The following MYLK variants were observed in gnomAD, a reference collection of about 807,000 sequenced individuals.
The protein encoded by MYLK is myosin light chain kinase, smooth muscle.
In MYLK, 106 loss-of-function variants were observed where a neutral mutation model predicts 203.4. The observed-to-expected ratio is 0.52, with a 90% CI of 0.45 to 0.61. The LOEUF (loss-of-function observed/expected upper bound fraction) is 0.61. Among genes scored for constraint, MYLK ranks in the 20% least tolerant of loss-of-function variants. The pLI is 0.00. For synonymous variants in MYLK, 867 were observed against 959.5 expected, an observed-to-expected ratio of 0.90 and a Z score of 1.78; for missense variants, 2,072 against 2,442.3, an observed-to-expected ratio of 0.85 and a Z score of 3.20.
intron 1 of MYLK, among the ~76,000 whole-genome samples, chr3:123,877,165 G>C (rs1373270513): frequency 6.6e-6 from 1 of 152,200 alleles, no homozygotes. Flanking sequence ...AGAGACACAG[G>C]AAAGTATCAA....
Position 123,638,666 on chromosome 3 carries a change from C to G in MYLK, c.4838-472G>C, listed in dbSNP as rs954678677. ...CCAGGGAAGTGCAGTGATTTCCCCA[C>G]CCGGTTAACAAGTGGTGGTCGGGAC... On this transcript the variant is annotated intron_variant, in intron 28 of 33. Transcript: ENST00000360304. 6 of 756,498 alleles carry G rather than the reference C, an allele frequency of 7.9e-6. No homozygotes were observed. The African/African-American group carries it at 1.1e-4, about 14-fold the overall frequency. 46.9% of individuals were successfully genotyped at this position (756,498 alleles called of 1,614,324 possible). A position where few individuals can be genotyped will look rare whatever the true frequency, so the allele number is the denominator to read the frequency against.
chr3:123,638,988 A>G, intron 28 of MYLK: 1 of 985,416 alleles, frequency 1.0e-6, no homozygotes, highest in Non-Finnish European at 1.2e-6. Flanking sequence ...CTCTGCTCCA[A>G]TTCCTGCCTC....
rs2058872995 is a variant in MYLK, at chr3:123,642,549, G to A, written c.4620-2045C>T. On this transcript the variant is annotated intron_variant, in intron 27 of 33. Coordinates refer to ENST00000360304, the MANE Select transcript of MYLK (RefSeq NM_053025.4). The surrounding 1 kb of genome is among the most constrained non-coding windows in gnomAD (Gnocchi z 4.2). ...TGCCAGTGACAGCTGGAGGGAGCTAGAACTCATACTTTAAAACCCATCTGA... is the reference window on the plus strand; with the variant it reads ...TGCCAGTGACAGCTGGAGGGAGCTAAAACTCATACTTTAAAACCCATCTGA... Among the ~76,000 whole-genome samples the A allele has an allele frequency of 6.6e-6, 1 of 152,144 alleles. No homozygotes were observed. The highest frequency in any genetic ancestry group is 6.5e-5 in the Admixed American group (1 of 15,280).
In MYLK at chr3:123,614,227, C is replaced by T; in HGVS notation, c.5623G>A (p.Asp1875Asn). 1 of 1,614,120 alleles carries T rather than the reference C, an allele frequency of 6.2e-7. No homozygotes were observed. Among genetic ancestry groups the T allele is most frequent in the Non-Finnish European group, 8.5e-7 (1 of 1,180,020 alleles). The change falls in exon 34 of 34, where the codon GAT (aspartate) becomes AAT (asparagine). Residue 1875 changes from aspartate (D) to asparagine (N), a missense_variant. Transcript: ENST00000360304. ...CSLIISDVCG[D>N]DDAKYTCKAV... is the part of the protein sequence containing the mutation. ...TTGCAGGTGTACTTGGCATCGTCAT[C>T]CCCGCAAACATCACTAATAATTAAA... is the stretch of plus-strand genomic sequence containing the variant.
chr3:123,872,158 G>A (rs1052579547), intron 2 of MYLK, among the ~76,000 whole-genome samples: 5 of 152,096 alleles, frequency 3.3e-5, no homozygotes, highest in African/African-American at 7.2e-5. Context: ...GTCTGTGGCC[G>A]CTTTCATGCT....
intron 28 of MYLK, 91 bp from the exon 29 acceptor site, chr3:123,638,285 C>T: frequency 6.3e-7 from 1 of 1,577,660 alleles, no homozygotes; most frequent in Non-Finnish European, 8.7e-7. Context: ...TTGACCCCAA[C>T]CTGGGAGGGG....
chr3:123,814,850 C>A (rs979258076), intron 3 of MYLK, among the ~76,000 whole-genome samples: 1 of 152,004 alleles, frequency 6.6e-6, no homozygotes, highest in East Asian at 1.9e-4. Flanking sequence ...TGGAGTACAG[C>A]GGCATGATCT....
intron 9 of MYLK, chr3:123,734,605 AG>A (rs1336480932): frequency 5.9e-6 from 1 of 168,210 alleles, no homozygotes; most frequent in Non-Finnish European, 1.3e-5. Flanking sequence ...TGTCATTTCA[AG>A]CCCAAGGATT....
chr3:123,629,617 G>A lies in MYLK; in HGVS notation c.4971C>T (p.Gly1657=). Residue 1657 remains glycine, a synonymous_variant, in exon 30 of 34, where the codon GGC becomes GGT. Coordinates refer to ENST00000360304, the MANE Select transcript of MYLK (RefSeq NM_053025.4). This position sits in a 1 kb window ranked among gnomAD's most constrained non-coding sequence, Gnocchi z 4.4. Reference sequence around the variant, plus strand: ...CGTTGTCTCCCATGAAGGGGGAAAGGCCACTGACTCTGGAGAGACAAGAGC... The same window carrying A: ...CGTTGTCTCCCATGAAGGGGGAAAGACCACTGACTCTGGAGAGACAAGAGC... ...IGVICYILVS[G]LSPFMGDNDN... 1.2e-6 allele frequency: 2 copies of A among 1,613,834 alleles called. No homozygotes were observed. The highest frequency in any genetic ancestry group is 1.7e-6 in the Non-Finnish European group (2 of 1,180,034).
At chr3:123,649,916 A>C (rs1040693736) in intron 24 of MYLK, among the ~76,000 whole-genome samples, 65 of 152,206 alleles carry the variant, frequency 4.3e-4, no homozygotes, top group African/African-American at 1.5e-3. Flanking sequence ...AAATGATGGA[A>C]TACAATGAAG....
intron 1 of MYLK, among the ~76,000 whole-genome samples, chr3:123,879,582 C>A (rs1483481818): frequency 6.6e-6 from 1 of 152,144 alleles, no homozygotes; most frequent in African/African-American, 2.4e-5. Context: ...AGCTCTCTTG[C>A]TACCCACCCA....
chr3:123,755,569 G>A (rs1237377239), intron 4 of MYLK, among the ~76,000 whole-genome samples: 2 of 152,120 alleles, frequency 1.3e-5, no homozygotes, highest in African/African-American at 2.4e-5. Context: ...TGAATGATTT[G>A]AAACTTTAAT....
chr3:123,747,256 CAG>C (rs1460173343), intron 5 of MYLK, among the ~76,000 whole-genome samples: 1 of 152,180 alleles, frequency 6.6e-6, no homozygotes, highest in African/African-American at 2.4e-5. Context: ...AATCTTGTGA[CAG>C]GGGGTCATTC....
At chr3:123,670,783 G>A (rs2059890586) in intron 20 of MYLK, among the ~76,000 whole-genome samples, 1 of 152,222 alleles carries the variant, frequency 6.6e-6, no homozygotes, top group African/African-American at 2.4e-5. Flanking sequence ...TTCCTTGGTT[G>A]CACTAGTCAC....
At chr3:123,771,733 T>A (rs530457334) in intron 4 of MYLK, among the ~76,000 whole-genome samples, 1 of 152,348 alleles carries the variant, frequency 6.6e-6, no homozygotes, top group East Asian at 1.9e-4. Flanking sequence ...CCATCAAACA[T>A]CATAGCTTAG....
intron 4 of MYLK, among the ~76,000 whole-genome samples, chr3:123,788,461 C>T (rs562615638): frequency 1.3e-5 from 2 of 150,278 alleles, no homozygotes; most frequent in African/African-American, 4.9e-5. Context: ...CATATGTATA[C>T]ATGTGCCATG....
At chr3:123,705,808 C>G (rs1388804280) in intron 16 of MYLK, among the ~76,000 whole-genome samples, 2 of 152,126 alleles carry the variant, frequency 1.3e-5, no homozygotes, top group African/African-American at 4.8e-5. Flanking sequence ...CCTTCCTTTT[C>G]CATCAAAATC....
intron 8 of MYLK, chr3:123,737,144 G>A (rs974722024): frequency 8.3e-5 from 44 of 529,312 alleles, no homozygotes; most frequent in Middle Eastern, 5.1e-4. Flanking sequence ...GCTTGAACCT[G>A]GGTGGCGGAG....
chr3:123,734,981 C>T (rs2062623442), intron 9 of MYLK: 2 of 316,970 alleles, frequency 6.3e-6, no homozygotes, highest in South Asian at 3.0e-5. Context: ...TTTAAGCCCT[C>T]CTCTACGCCC....
Sources: allele counts gnomAD v4.1 joint callset (sites outside exome capture counted in the v4.1 genomes callset), GRCh38; gene constraint gnomAD v4.1.1; non-coding constraint Gnocchi (gnomAD v3.1); transcripts MANE v1.5; gene names NCBI Gene and HGNC (gene_info 2026-07-23, HGNC 2026-07-21).